Variants in ADAMTSL3 observed in about 807,000 individuals in gnomAD.
The protein encoded by ADAMTSL3 is ADAMTS-like protein 3.
In ADAMTSL3, 128 loss-of-function variants were observed where a neutral mutation model predicts 201.7. The observed-to-expected ratio is 0.63, with a 90% CI of 0.55 to 0.73. The LOEUF is 0.73. ADAMTSL3 is among the 30% of genes least tolerant of loss of function. The probability of loss-of-function intolerance (pLI) is 0.00; values close to 1 mark genes in which losing one functional copy is unlikely to be tolerated. For synonymous variants in ADAMTSL3, 738 were observed against 748.4 expected, an observed-to-expected ratio of 0.99 and a Z score of 0.23; for missense variants, 1,990 against 2,119.6, an observed-to-expected ratio of 0.94 and a Z score of 1.20.
intron 13 of ADAMTSL3, 29 bp from the exon 14 acceptor site, chr15:83,897,829 T>C: frequency 1.3e-6 from 2 of 1,554,570 alleles, no homozygotes; most frequent in Non-Finnish European, 1.7e-6. Flanking sequence ...TTAAAAGAAA[T>C]GCGTTGGCTT....
chr15:83,765,870 T>TAA (rs956711579), intron 3 of ADAMTSL3, among the ~76,000 whole-genome samples: 2 of 151,238 alleles, frequency 1.3e-5, no homozygotes, highest in African/African-American at 4.9e-5. Context: ...CTTTTCCCTT[T>TAA]AAAAAAAAAG....
intron 2 of ADAMTSL3, among the ~76,000 whole-genome samples, chr15:83,680,507 G>C (rs573584254): frequency 3.3e-5 from 4 of 122,714 alleles, no homozygotes; most frequent in African/African-American, 1.3e-4. Flanking sequence ...GCACACCTTA[G>C]TTGTTGTTTT....
chr15:83,992,850 C>G (rs1198611425), intron 23 of ADAMTSL3, among the ~76,000 whole-genome samples: 1 of 152,178 alleles, frequency 6.6e-6, no homozygotes, highest in Non-Finnish European at 1.5e-5. Context: ...GCCCTCCTGC[C>G]CTGTGCTGTG....
intron 10 of ADAMTSL3, among the ~76,000 whole-genome samples, chr15:83,885,461 A>C (rs2065369869): frequency 6.6e-6 from 1 of 152,028 alleles, no homozygotes; most frequent in Non-Finnish European, 1.5e-5. Context: ...AAACAAAACA[A>C]AACTGTAAAC....
At chr15:83,788,644 C>T (rs1226068236) in intron 4 of ADAMTSL3, among the ~76,000 whole-genome samples, 1 of 152,054 alleles carries the variant, frequency 6.6e-6, no homozygotes, top group Non-Finnish European at 1.5e-5. Flanking sequence ...TACATTTTCC[C>T]CCAGTGTTCT....
chr15:83,988,242 G>A (rs993181742), intron 21 of ADAMTSL3, among the ~76,000 whole-genome samples: 4 of 152,160 alleles, frequency 2.6e-5, no homozygotes, highest in African/African-American at 9.7e-5. Context: ...TTGCAAAGCA[G>A]CCTTAGCCAA....
intron 16 of ADAMTSL3, among the ~76,000 whole-genome samples, chr15:83,918,021 T>C (rs2066070664): frequency 6.6e-6 from 1 of 152,184 alleles, no homozygotes; most frequent in South Asian, 2.1e-4. Flanking sequence ...CTGACTAAAT[T>C]GTTGAACACC....
At chr15:83,807,592 T>C (rs2141872901) in intron 5 of ADAMTSL3, among the ~76,000 whole-genome samples, 1 of 152,298 alleles carries the variant, frequency 6.6e-6, no homozygotes, top group East Asian at 1.9e-4. Context: ...CTGTTAAAAT[T>C]CCAGTGACAT....
chr15:83,986,302 T>G (rs187207302), intron 21 of ADAMTSL3, among the ~76,000 whole-genome samples: 1 of 152,132 alleles, frequency 6.6e-6, no homozygotes, highest in Non-Finnish European at 1.5e-5. Context: ...TACAATGATA[T>G]AGAGGAGCCT....
At chr15:83,885,632 C>T (rs936902033) in intron 10 of ADAMTSL3, among the ~76,000 whole-genome samples, 6 of 152,142 alleles carry the variant, frequency 3.9e-5, no homozygotes, top group Middle Eastern at 3.4e-3. Flanking sequence ...AGATTTACAA[C>T]TTTTCTCTCC....
At chr15:84,027,316 G>A (rs553486040) in intron 27 of ADAMTSL3, among the ~76,000 whole-genome samples, 10 of 152,240 alleles carry the variant, frequency 6.6e-5, no homozygotes, top group East Asian at 1.9e-4. Flanking sequence ...ACACCCTAGC[G>A]GTTCCTCAAA....
chr15:83,732,740 C>G (rs1191256872), intron 3 of ADAMTSL3, among the ~76,000 whole-genome samples: 1 of 152,080 alleles, frequency 6.6e-6, no homozygotes, highest in Non-Finnish European at 1.5e-5. Flanking sequence ...CTCATTTGTG[C>G]TAGATTATCT....
intron 4 of ADAMTSL3, among the ~76,000 whole-genome samples, chr15:83,777,841 G>A (rs2063104957): frequency 6.6e-6 from 1 of 152,170 alleles, no homozygotes; most frequent in African/African-American, 2.4e-5. Flanking sequence ...ATAGCAGTAT[G>A]TTGAAACCCA....
chr15:83,806,259 G>A (rs2063601389), intron 5 of ADAMTSL3, among the ~76,000 whole-genome samples: 1 of 149,616 alleles, frequency 6.7e-6, no homozygotes, highest in African/African-American at 2.5e-5. Flanking sequence ...GTCCTGCACA[G>A]TTGTGCATGT....
intron 9 of ADAMTSL3, among the ~76,000 whole-genome samples, chr15:83,883,403 C>A (rs1308353108): frequency 6.6e-6 from 1 of 151,906 alleles, no homozygotes; most frequent in Non-Finnish European, 1.5e-5. Context: ...GAGCTCCTGA[C>A]CTCAAGGGAC....
intron 2 of ADAMTSL3, among the ~76,000 whole-genome samples, chr15:83,661,827 C>T (rs1595984728): frequency 6.7e-6 from 1 of 149,624 alleles, no homozygotes; most frequent in Non-Finnish European, 1.5e-5. Flanking sequence ...AAAAAATGCT[C>T]ATCATCACTG....
chr15:83,943,162 A>T, intron 19 of ADAMTSL3, 80 bp downstream of exon 19: 1 of 1,462,308 alleles, frequency 6.8e-7, no homozygotes, highest in African/African-American at 1.4e-5. Context: ...CCACAAGATC[A>T]GGCTGGAACT....
chr15:83,842,357 G>C (rs1039245585), intron 7 of ADAMTSL3, among the ~76,000 whole-genome samples: 4 of 152,034 alleles, frequency 2.6e-5, no homozygotes, highest in Admixed American at 6.5e-5. Flanking sequence ...TAAGCTGAAA[G>C]AGCACACTGT....
intron 3 of ADAMTSL3, among the ~76,000 whole-genome samples, chr15:83,729,711 CTGTT>C (rs775369054): frequency 1.3e-5 from 2 of 151,992 alleles, no homozygotes; most frequent in Non-Finnish European, 2.9e-5. Context: ...TTTGAATTCT[CTGTT>C]TGAAAGGTCA....
Sources: gnomAD v4.1 joint callset for allele counts (sites outside exome capture counted in the v4.1 genomes callset) on GRCh38, gnomAD v4.1.1 for gene constraint, MANE v1.5 for transcripts, NCBI Gene and HGNC (gene_info 2026-07-23, HGNC 2026-07-21) for gene names.